RFC1: variants seen among roughly 807,000 people sequenced by gnomAD.
RFC1 encodes A1 140 kDa subunit.
Under a neutral mutation model 137.4 loss-of-function variants are expected in RFC1, and 37 were observed. That is an observed-to-expected ratio of 0.27 (90% CI 0.21 to 0.35). The LOEUF (loss-of-function observed/expected upper bound fraction) is 0.35. Among genes scored for constraint, RFC1 ranks in the 10% least tolerant of loss-of-function variants. RFC1 has a pLI of 1.00. For missense variants in RFC1, 1,205 were observed against 1,358.5 expected (o/e 0.89, Z 1.78); for synonymous variants, 429 against 455.7 (o/e 0.94, Z 0.75).
At chr4:39,361,573 G>C (rs1741760072) in intron 1 of RFC1, among the ~76,000 whole-genome samples, 1 of 152,086 alleles carries the variant, frequency 6.6e-6, no homozygotes, top group Non-Finnish European at 1.5e-5. Context: ...TGAAATAAAA[G>C]ACATCTACAT....
chr4:39,295,795 T>C (rs1737956507), intron 21 of RFC1, 36 bp from the exon 22 acceptor site: 1 of 1,592,504 alleles, frequency 6.3e-7, no homozygotes, highest in African/African-American at 1.3e-5. Flanking sequence ...GAATTTATGT[T>C]CCGTACAAAG....
intron 2 of RFC1, among the ~76,000 whole-genome samples, chr4:39,347,441 TAA>T (rs1015792360): frequency 6.6e-6 from 1 of 152,226 alleles, no homozygotes; most frequent in Non-Finnish European, 1.5e-5. Context: ...TTCTTGGTAA[TAA>T]ATCTCTCTAT....
rs1419376024 is a variant in RFC1 at position 39,329,105 on chromosome 4, A to G, written c.332-1349T>C. ...ATGTACCTCAAAAGGGCCTCAATAAATTTGTTTGCTTCAGTGACTCACAAA... is the reference window on the plus strand; with the variant it reads ...ATGTACCTCAAAAGGGCCTCAATAAGTTTGTTTGCTTCAGTGACTCACAAA... On this transcript the variant is annotated intron_variant, in intron 4 of 24. Coordinates refer to ENST00000349703, the MANE Select transcript of RFC1 (RefSeq NM_002913.5). Among the ~76,000 whole-genome samples, 14 of 104,368 alleles carry G rather than the reference A, an allele frequency of 1.3e-4. No homozygotes were observed. The Admixed American group carries it at 1.4e-3, about 10-fold the overall frequency. 68.5% of individuals were successfully genotyped at this position (104,368 alleles called of 152,430 possible).
chr4:39,297,005 G>A (rs1247215369), intron 21 of RFC1, among the ~76,000 whole-genome samples: 9 of 151,446 alleles, frequency 5.9e-5, no homozygotes. Context: ...GATGGCCAGT[G>A]ATGATTAGCA....
chr4:39,299,313 A>C (rs1484715812), intron 21 of RFC1, among the ~76,000 whole-genome samples: 1 of 152,158 alleles, frequency 6.6e-6, no homozygotes, highest in Non-Finnish European at 1.5e-5. Flanking sequence ...TCAGCTCTGA[A>C]GGCTGTGAGA....
intron 8 of RFC1, 75 bp downstream of exon 8, chr4:39,321,212 T>C: frequency 1.8e-6 from 2 of 1,098,348 alleles, no homozygotes; most frequent in Non-Finnish European, 2.8e-6. Flanking sequence ...CTGAATAGGA[T>C]ACTTAAACAA....
rs766371582 is a variant in RFC1 at position 39,312,703 on chromosome 4, C to T, written c.1383+49G>A. Reference sequence around the variant, plus strand: ...AAGGGCAAATCACATCAAGAGTGTGCCAAGGCAGGCAGGAGGTGTCATGGT... The same window carrying T: ...AAGGGCAAATCACATCAAGAGTGTGTCAAGGCAGGCAGGAGGTGTCATGGT... On this transcript the variant is annotated intron_variant, in intron 11 of 24. Transcript: ENST00000349703. 2.6e-6 allele frequency: 4 copies of T among 1,536,608 alleles called. No homozygotes were observed. The Admixed American group carries it at 5.2e-5, about 20-fold the overall frequency.
At position 39,341,721 on chromosome 4, in the gene RFC1, T is replaced by C. The variant is rs1416935614; in HGVS notation, c.331+624A>G. 2.9e-5 allele frequency: 13 copies of C among 455,270 alleles called. No homozygotes were observed. In the East Asian group the frequency reaches 3.5e-4, roughly 12 times the overall value. The allele number at this position is 455,270 out of a possible 1,614,324, so 28.2% of individuals were successfully genotyped here. A position where few individuals can be genotyped will look rare whatever the true frequency, so the allele number is the denominator to read the frequency against. The stretch of plus-strand genomic sequence containing the variant: ...ACTTCACCACTAACTTATCTGAGTT[T>C]TTCTCCTAGGATGACAATATAACTC... On this transcript the variant is annotated intron_variant, in intron 4 of 24. Transcript: ENST00000349703.
In RFC1 at chr4:39,321,269, T is replaced by C. The variant is rs1315698461; in HGVS notation, c.808+18A>G. 1 of 1,594,952 alleles carries C rather than the reference T, an allele frequency of 6.3e-7. No individual in the cohort carries two copies. Among genetic ancestry groups the C allele is most frequent in the African/African-American group, 1.3e-5 (1 of 74,446 alleles). On this transcript the variant is annotated intron_variant, in intron 8 of 24. Transcript: ENST00000349703. ...ATGAAGACAAGTGCTCCATCTTACT[T>C]TTTTCTGCTAGTATTACCTTTATGA...
intron 2 of RFC1, among the ~76,000 whole-genome samples, chr4:39,348,147 G>A (rs1326670175): frequency 1.3e-5 from 2 of 152,036 alleles, no homozygotes; most frequent in Admixed American, 1.3e-4. Flanking sequence ...CAAGTTCTAG[G>A]CCAGGTGTGG....
chr4:39,347,223 A>C (rs530939911), intron 2 of RFC1, among the ~76,000 whole-genome samples: 68 of 152,354 alleles, frequency 4.5e-4, no homozygotes, highest in African/African-American at 1.4e-3. Flanking sequence ...AATGAGCTTA[A>C]TATTTAAATC....
chr4:39,353,094 A>G (rs1002249007), intron 1 of RFC1, among the ~76,000 whole-genome samples: 1 of 152,178 alleles, frequency 6.6e-6, no homozygotes, highest in Non-Finnish European at 1.5e-5. Flanking sequence ...ATTGAAGTAC[A>G]TAGCATGTTA....
intron 4 of RFC1, among the ~76,000 whole-genome samples, chr4:39,335,006 A>C (rs17288055): frequency 0.018 from 2,696 of 152,294 alleles, 76 homozygotes; most frequent in African/African-American, 0.061. Context: ...AAAAAGTCTA[A>C]TTCTGGAATT....
intron 4 of RFC1, among the ~76,000 whole-genome samples, chr4:39,334,813 T>C (rs576501201): frequency 2.4e-4 from 37 of 152,300 alleles, no homozygotes; most frequent in African/African-American, 8.7e-4. Flanking sequence ...ACCTCAAATG[T>C]GGTACGAACA....
intron 4 of RFC1, among the ~76,000 whole-genome samples, chr4:39,340,219 T>G (rs1301690111): frequency 1.3e-5 from 2 of 152,200 alleles, no homozygotes; most frequent in Middle Eastern, 3.2e-3. Context: ...AAGGTTGTTT[T>G]TAAAGTCAGA....
chr4:39,317,375 A>C (rs1284102071), intron 9 of RFC1, among the ~76,000 whole-genome samples: 1 of 152,224 alleles, frequency 6.6e-6, no homozygotes, highest in East Asian at 1.9e-4. Context: ...TCCATGTTTA[A>C]CGGGAAAATA....
chr4:39,312,788 G>A lies in RFC1; in HGVS notation c.1347C>T (p.Val449=), dbSNP rs373449697. 3.0e-5 allele frequency: 49 copies of A among 1,614,110 alleles called. No individual in the cohort carries two copies. The African/African-American group carries it at 6.0e-4, about 20-fold the overall frequency. ...GNVSKKTNYL[V]MGRDSGQSKS... Reference sequence around the variant, plus strand: ...TGGACTGTCCACTATCACGACCCATGACAAGATAATTTGTTTTCTTGCTGA... The same window carrying A: ...TGGACTGTCCACTATCACGACCCATAACAAGATAATTTGTTTTCTTGCTGA... Residue 449 remains valine, a synonymous_variant, in exon 11 of 25, where the codon GTC becomes GTT. Transcript: ENST00000349703.
intron 1 of RFC1, among the ~76,000 whole-genome samples, chr4:39,352,745 T>G (rs1741270296): frequency 6.6e-6 from 1 of 152,196 alleles, no homozygotes; most frequent in Non-Finnish European, 1.5e-5. Context: ...TATCTCTGCT[T>G]ATAGAGAAGG....
chr4:39,304,720 TG>T, intron 15 of RFC1, 93 bp downstream of exon 15: 1 of 796,320 alleles, frequency 1.3e-6, no homozygotes. Flanking sequence ...GTAGGGTGCT[TG>T]GCACACAACC....
Sources: allele counts gnomAD v4.1 joint callset (sites outside exome capture counted in the v4.1 genomes callset), GRCh38; gene constraint gnomAD v4.1.1; transcripts MANE v1.5; gene names NCBI Gene and HGNC (gene_info 2026-07-23, HGNC 2026-07-21).